Variants in ALCAM observed in about 807,000 individuals in gnomAD.
ALCAM encodes the protein CD166 antigen.
In ALCAM, 30 loss-of-function variants were observed where a neutral mutation model predicts 70.9. That is an observed-to-expected ratio of 0.42 (90% CI 0.32 to 0.57). ALCAM has a LOEUF of 0.57. ALCAM is among the 20% of genes least tolerant of loss of function. The probability of loss-of-function intolerance (pLI) is 0.11; values close to 1 mark genes in which losing one functional copy is unlikely to be tolerated. For synonymous variants in ALCAM, 249 were observed against 242.5 expected (o/e 1.03, Z -0.25); for missense variants, 591 against 695.1 (o/e 0.85, Z 1.68).
intron 1 of ALCAM, among the ~76,000 whole-genome samples, chr3:105,470,635 A>C (rs1937900830): frequency 6.6e-6 from 1 of 151,256 alleles, no homozygotes; most frequent in African/African-American, 2.4e-5. Flanking sequence ...GAGAGCGATA[A>C]ACAGGATTTA....
intron 5 of ALCAM, among the ~76,000 whole-genome samples, chr3:105,534,207 T>G (rs1939913063): frequency 6.6e-6 from 1 of 152,120 alleles, no homozygotes. Context: ...CTTCTTGTGG[T>G]TGCCCACCGC....
At chr3:105,404,832 A>G (rs561964056) in intron 1 of ALCAM, among the ~76,000 whole-genome samples, 1 of 152,332 alleles carries the variant, frequency 6.6e-6, no homozygotes, top group South Asian at 2.1e-4. Flanking sequence ...AGTTTCTGCT[A>G]TCTTCAGGAG....
chr3:105,458,174 G>A (rs568330186), intron 1 of ALCAM, among the ~76,000 whole-genome samples: 1 of 151,556 alleles, frequency 6.6e-6, no homozygotes, highest in Non-Finnish European at 1.5e-5. Context: ...ATATATTTTA[G>A]CAGGTTAGAT....
At chr3:105,490,499 T>C (rs1269092789) in intron 1 of ALCAM, among the ~76,000 whole-genome samples, 1 of 152,200 alleles carries the variant, frequency 6.6e-6, no homozygotes, top group Non-Finnish European at 1.5e-5. Flanking sequence ...ATTTTTTGTA[T>C]ATTTTCTGTT....
intron 14 of ALCAM, among the ~76,000 whole-genome samples, chr3:105,562,484 C>G (rs1940647520): frequency 6.6e-6 from 1 of 152,072 alleles, no homozygotes; most frequent in Non-Finnish European, 1.5e-5. Context: ...TGAAATACAT[C>G]TTAGTCTATT....
At chr3:105,424,513 C>T (rs997432114) in intron 1 of ALCAM, among the ~76,000 whole-genome samples, 1 of 151,532 alleles carries the variant, frequency 6.6e-6, no homozygotes, top group Non-Finnish European at 1.5e-5. Context: ...GAGAATTTAC[C>T]CCTCTTGATT....
chr3:105,427,564 C>A (rs1167091209), intron 1 of ALCAM, among the ~76,000 whole-genome samples: 6 of 151,818 alleles, frequency 4.0e-5, no homozygotes, highest in Non-Finnish European at 8.8e-5. Context: ...CTTTCAGTAT[C>A]CACTGTGTTC....
At chr3:105,433,250 A>G (rs1936977374) in intron 1 of ALCAM, among the ~76,000 whole-genome samples, 1 of 152,098 alleles carries the variant, frequency 6.6e-6, no homozygotes. Flanking sequence ...AAACAGGCCT[A>G]ATTGATAAAT....
chr3:105,545,827 A>G (rs568157798), intron 9 of ALCAM, among the ~76,000 whole-genome samples: 1 of 151,592 alleles, frequency 6.6e-6, no homozygotes, highest in East Asian at 1.9e-4. Context: ...TATGAATACT[A>G]TGCTTTGATA....
At chr3:105,457,573 T>A (rs1333205879) in intron 1 of ALCAM, among the ~76,000 whole-genome samples, 1 of 152,034 alleles carries the variant, frequency 6.6e-6, no homozygotes, top group East Asian at 1.9e-4. Flanking sequence ...AATTTTTTTT[T>A]AAATGTTAAG....
intron 14 of ALCAM, among the ~76,000 whole-genome samples, chr3:105,564,045 G>C (rs375601469): frequency 9.9e-5 from 15 of 151,734 alleles, no homozygotes; most frequent in African/African-American, 3.6e-4. Flanking sequence ...TTTAGTCTTT[G>C]AAGTACATTG....
chr3:105,450,305 A>G (rs1224771527), intron 1 of ALCAM, among the ~76,000 whole-genome samples: 3 of 152,128 alleles, frequency 2.0e-5, no homozygotes, highest in African/African-American at 7.2e-5. Flanking sequence ...TACTCCGGAT[A>G]ATTCCTCAGC....
At chr3:105,470,132 T>TACACACACACACACACACAC (rs35560211) in intron 1 of ALCAM, among the ~76,000 whole-genome samples, 5 of 145,820 alleles carry the variant, frequency 3.4e-5, no homozygotes, top group South Asian at 2.2e-4. Flanking sequence ...GTTATATACA[T>TACACACACACACACACACAC]ACACACACAC....
intron 14 of ALCAM, among the ~76,000 whole-genome samples, chr3:105,558,989 T>C (rs1319158625): frequency 6.6e-6 from 1 of 152,030 alleles, no homozygotes; most frequent in Non-Finnish European, 1.5e-5. Context: ...CCAAGACCCC[T>C]CTCTGCCTTG....
At chr3:105,475,832 C>G (rs1314188557) in intron 1 of ALCAM, among the ~76,000 whole-genome samples, 1 of 151,906 alleles carries the variant, frequency 6.6e-6, no homozygotes, top group East Asian at 1.9e-4. Flanking sequence ...CCATCATGCT[C>G]TTAAATGTCC....
chr3:105,541,585 AT>A lies in ALCAM; in HGVS notation c.859-46del, dbSNP rs760394865. 18 of 1,596,702 alleles carry A rather than the reference AT, an allele frequency of 1.1e-5. No homozygotes were observed. In the East Asian group the frequency reaches 3.4e-4, roughly 30 times the overall value. On this transcript the variant is annotated intron_variant, in intron 7 of 15. Coordinates refer to ENST00000306107, the MANE Select transcript of ALCAM (RefSeq NM_001627.4). ...TTCATCAAGAAATACAACTGTTCTCATTGTAGCGACCAAGTATAATCATCTG... is the reference window on the plus strand; with the variant it reads ...TTCATCAAGAAATACAACTGTTCTCATGTAGCGACCAAGTATAATCATCTG...
chr3:105,429,521 G>C (rs1191727842), intron 1 of ALCAM, among the ~76,000 whole-genome samples: 2 of 151,880 alleles, frequency 1.3e-5, no homozygotes, highest in Non-Finnish European at 2.9e-5. Flanking sequence ...GCTGAATAAA[G>C]GTTATAATTG....
At position 105,367,471 on chromosome 3, in the gene ALCAM, C is replaced by T. The variant is rs900599211; in HGVS notation, c.63C>T (p.Val21=). 7.4e-6 allele frequency: 12 copies of T among 1,613,956 alleles called. No homozygotes were observed. The highest frequency in any genetic ancestry group is 3.3e-5 in the Admixed American group (2 of 60,006). Residue 21 remains valine (V), a synonymous_variant, in exon 1 of 16, where the codon GTC becomes GTT. Coordinates refer to ENST00000306107, the MANE Select transcript of ALCAM (RefSeq NM_001627.4). The part of the protein sequence containing the change: ...LLFCLLISAT[V]FRPGLGWYTV... ...TCTGCCTCTTGATCTCCGCCACCGT[C>T]TTCAGGCCAGGTGAGCAAGGGCCTG... is the stretch of plus-strand genomic sequence containing the variant.
intron 1 of ALCAM, among the ~76,000 whole-genome samples, chr3:105,405,277 CAAAAAAAAAAAA>C (rs35101188): frequency 0.029 from 1,886 of 65,316 alleles, 47 homozygotes; most frequent in African/African-American, 0.078. Context: ...AACTTCGTCT[CAAAAAAAAAAAA>C]AAAAAAAAAA....
Sources: gnomAD v4.1 joint callset for allele counts (sites outside exome capture counted in the v4.1 genomes callset) on GRCh38, gnomAD v4.1.1 for gene constraint, MANE v1.5 for transcripts, NCBI Gene and HGNC (gene_info 2026-07-23, HGNC 2026-07-21) for gene names.